The following BMPR1B variants were observed in gnomAD, a reference collection of about 807,000 sequenced individuals.
BMPR1B encodes bone morphogenetic protein receptor type-1B.
In BMPR1B, 12 loss-of-function variants were observed where a neutral mutation model predicts 59.1. The observed-to-expected ratio is 0.20, with a 90% CI of 0.13 to 0.33. The LOEUF is 0.33. Among genes scored for constraint, BMPR1B ranks in the 10% least tolerant of loss-of-function variants. The pLI, the probability that BMPR1B is intolerant of heterozygous loss-of-function variation, is 1.00. For missense variants in BMPR1B, 550 were observed against 610.9 expected (o/e 0.90, Z 1.05); for synonymous variants, 237 against 207.3 (o/e 1.14, Z -1.23).
intron 1 of BMPR1B, among the ~76,000 whole-genome samples, chr4:94,840,706 G>A (rs1259880877): frequency 6.8e-6 from 1 of 147,336 alleles, no homozygotes; most frequent in African/African-American, 2.5e-5. Context: ...TCTTTGGTTT[G>A]AATGTCCTCC....
rs917802035 is a variant in BMPR1B at position 94,928,521 on chromosome 4, A to C, written c.-113+52621A>C. Among the ~76,000 whole-genome samples the C allele has an allele frequency of 4.0e-5, 6 of 151,764 alleles. 1 individual carries two copies. The South Asian group carries it at 1.0e-3, about 26-fold the overall frequency. ...AATTTCTGGTTGATTCTTTTGAGAC[A>C]GCATTGGGCGGGCCCTCCTCCTATG... On this transcript the variant is annotated intron_variant, in intron 2 of 12. Transcript: ENST00000515059.
At chr4:94,826,810 G>A (rs563330262) in intron 1 of BMPR1B, among the ~76,000 whole-genome samples, 1 of 152,116 alleles carries the variant, frequency 6.6e-6, no homozygotes, top group East Asian at 1.9e-4. Flanking sequence ...TTTTATATTA[G>A]TCGTATCGAT....
chr4:94,949,305 A>ATTCTT (rs1346947631), intron 2 of BMPR1B, among the ~76,000 whole-genome samples: 1 of 83,314 alleles, frequency 1.2e-5, no homozygotes, highest in Non-Finnish European at 2.4e-5. Context: ...ACATGAACTC[A>ATTCTT]TTCTTTTTTT....
chr4:94,807,967 G>T (rs1411621550), intron 1 of BMPR1B, among the ~76,000 whole-genome samples: 1 of 151,928 alleles, frequency 6.6e-6, no homozygotes, highest in East Asian at 1.9e-4. Context: ...GGATTACAGG[G>T]GTGAGCCACC....
chr4:95,076,926 A>T (rs991422541), intron 3 of BMPR1B, among the ~76,000 whole-genome samples: 1 of 152,150 alleles, frequency 6.6e-6, no homozygotes, highest in Admixed American at 6.6e-5. Context: ...GTTCATGAAG[A>T]ACATTGAATG....
chr4:94,864,550 G>A (rs1726129463), intron 1 of BMPR1B, among the ~76,000 whole-genome samples: 1 of 152,064 alleles, frequency 6.6e-6, no homozygotes, highest in South Asian at 2.1e-4. Flanking sequence ...ATTTTTTAAT[G>A]AATAGATCTT....
At chr4:95,131,105 A>G in intron 9 of BMPR1B, 110 bp from the exon 10 acceptor site, 1 of 1,165,800 alleles carries the variant, frequency 8.6e-7, no homozygotes, top group Non-Finnish European at 1.2e-6. Flanking sequence ...AGGAAATTGA[A>G]TGAAATGCTA....
chr4:94,829,700 G>T (rs1724506272), intron 1 of BMPR1B, among the ~76,000 whole-genome samples: 1 of 152,168 alleles, frequency 6.6e-6, no homozygotes. Flanking sequence ...GAGAGGAAAG[G>T]AAACAGCCTT....
At chr4:95,119,732 A>C (rs1168705941) in intron 6 of BMPR1B, among the ~76,000 whole-genome samples, 2 of 152,152 alleles carry the variant, frequency 1.3e-5, no homozygotes, top group Non-Finnish European at 2.9e-5. Context: ...TACTTTCATT[A>C]ATATTTTGCA....
intron 2 of BMPR1B, among the ~76,000 whole-genome samples, chr4:94,944,025 C>T (rs1429455009): frequency 1.3e-5 from 2 of 152,090 alleles, no homozygotes; most frequent in East Asian, 3.8e-4. Flanking sequence ...CACATAAGTA[C>T]TTACCACAAA....
intron 1 of BMPR1B, among the ~76,000 whole-genome samples, chr4:94,875,342 A>G (rs1726678768): frequency 6.6e-6 from 1 of 152,190 alleles, no homozygotes; most frequent in African/African-American, 2.4e-5. Flanking sequence ...CTGGTTCACA[A>G]TAATCATGGG....
intron 3 of BMPR1B, among the ~76,000 whole-genome samples, chr4:95,097,030 A>G (rs1401249864): frequency 6.9e-6 from 1 of 145,458 alleles, no homozygotes; most frequent in Non-Finnish European, 1.5e-5. Context: ...TATAGTTTAT[A>G]TAATATAGTT....
chr4:94,931,499 G>A (rs1248557169), intron 2 of BMPR1B, among the ~76,000 whole-genome samples: 1 of 152,084 alleles, frequency 6.6e-6, no homozygotes, highest in Non-Finnish European at 1.5e-5. Context: ...GGGGGAAGCT[G>A]AAGAGTAGGT....
chr4:94,843,521 A>G (rs1357892855), intron 1 of BMPR1B, among the ~76,000 whole-genome samples: 2 of 152,176 alleles, frequency 1.3e-5, no homozygotes, highest in Non-Finnish European at 2.9e-5. Context: ...GTGATAACAT[A>G]ATAGAACTGG....
chr4:94,973,112 G>C (rs1356669552), intron 2 of BMPR1B, among the ~76,000 whole-genome samples: 2 of 152,076 alleles, frequency 1.3e-5, no homozygotes, highest in African/African-American at 4.8e-5. Flanking sequence ...TCCCGTGACA[G>C]CATCTAGGTG....
At chr4:95,031,880 C>T (rs957053207) in intron 3 of BMPR1B, among the ~76,000 whole-genome samples, 25 of 152,084 alleles carry the variant, frequency 1.6e-4, no homozygotes, top group Admixed American at 1.0e-3. Context: ...TGAGAATGGT[C>T]GTGCCACTGT....
At chr4:94,962,621 T>C (rs1231456257) in intron 2 of BMPR1B, among the ~76,000 whole-genome samples, 2 of 152,208 alleles carry the variant, frequency 1.3e-5, no homozygotes, top group Non-Finnish European at 2.9e-5. Context: ...TAACATAATG[T>C]CCTCCAGTTC....
chr4:94,917,399 C>T (rs1728524955), intron 2 of BMPR1B, among the ~76,000 whole-genome samples: 1 of 152,222 alleles, frequency 6.6e-6, no homozygotes, highest in South Asian at 2.1e-4. Context: ...CCCTGCAAAG[C>T]CACAGGGGTG....
At chr4:95,124,607 C>T (rs943944229) in intron 7 of BMPR1B, among the ~76,000 whole-genome samples, 1 of 150,978 alleles carries the variant, frequency 6.6e-6, no homozygotes, top group African/African-American at 2.4e-5. Context: ...TTTTGTACAC[C>T]CAAAATTTAC....
Sources: gnomAD v4.1 joint callset for allele counts (sites outside exome capture counted in the v4.1 genomes callset) on GRCh38, gnomAD v4.1.1 for gene constraint, MANE v1.5 for transcripts, NCBI Gene and HGNC (gene_info 2026-07-23, HGNC 2026-07-21) for gene names.